Variants in FOLH1 observed in about 807,000 individuals in gnomAD.
The protein encoded by FOLH1 is glutamate carboxypeptidase 2.
A neutral mutation model predicts 93.9 loss-of-function variants in FOLH1; 54 were observed. That is an observed-to-expected ratio of 0.57 (90% CI 0.46 to 0.72). FOLH1 has a LOEUF of 0.72. Among genes scored for constraint, FOLH1 ranks in the 30% least tolerant of loss-of-function variants. The pLI, the probability that FOLH1 is intolerant of heterozygous loss-of-function variation, is 0.00. For synonymous variants in FOLH1, 249 were observed against 303.6 expected (o/e 0.82, Z 1.87); for missense variants, 571 against 892.5 (o/e 0.64, Z 4.59).
At chr11:49,174,476 C>A (rs2135101802) in intron 9 of FOLH1, among the ~76,000 whole-genome samples, 1 of 152,080 alleles carries the variant, frequency 6.6e-6, no homozygotes, top group South Asian at 2.1e-4. Context: ...TGAAAGGATT[C>A]ATTAATACAA....
intron 7 of FOLH1, among the ~76,000 whole-genome samples, chr11:49,182,421 A>G (rs1860870453): frequency 6.6e-6 from 1 of 151,902 alleles, no homozygotes; most frequent in African/African-American, 2.4e-5. Context: ...AGCAGAACAA[A>G]TCTGGGAAAG....
intron 7 of FOLH1, among the ~76,000 whole-genome samples, chr11:49,178,062 A>G (rs1264786177): frequency 2.0e-5 from 3 of 152,202 alleles, no homozygotes; most frequent in Non-Finnish European, 4.4e-5. Context: ...ATGCACAGTA[A>G]CAGAGAAATG....
At chr11:49,159,583 T>A (rs1165448401) in intron 13 of FOLH1, among the ~76,000 whole-genome samples, 2 of 152,184 alleles carry the variant, frequency 1.3e-5, no homozygotes, top group East Asian at 3.9e-4. Flanking sequence ...GATACTGGCC[T>A]GAATTTTTGT....
intron 5 of FOLH1, chr11:49,186,121 A>G (rs1861338911): frequency 2.0e-6 from 1 of 502,716 alleles, no homozygotes; most frequent in Non-Finnish European, 2.9e-6. Flanking sequence ...GCTTACAAAT[A>G]TAATAAGCAA....
intron 3 of FOLH1, among the ~76,000 whole-genome samples, chr11:49,195,614 A>T (rs202698): frequency 1.3e-5 from 2 of 151,956 alleles, no homozygotes; most frequent in South Asian, 4.1e-4. Context: ...AGATTGCCAA[A>T]GCCAAAGTTT....
In FOLH1 at chr11:49,173,432, C is replaced by G; in HGVS notation, c.1150G>C (p.Gly384Arg). Residue 384 changes from glycine (G) to arginine (R), a missense_variant, in exon 10 of 19, where the codon GGT becomes CGT. This residue lies in a region of FOLH1 where 500 missense variants were observed against 822.9 expected (regional missense o/e 0.61). Coordinates refer to ENST00000256999, the MANE Select transcript of FOLH1 (RefSeq NM_004476.3). The part of the protein sequence containing the change: ...LGGHRDSWVF[G>R]GIDPQSGAAV... ...GCTCCACTCTGAGGGTCAATACCAC[C>G]AAACACCCATGAGTCCCGGTGACCT... 1.2e-6 allele frequency: 2 copies of G among 1,607,014 alleles called. No individual in the cohort carries two copies. Among genetic ancestry groups the G allele is most frequent in the Non-Finnish European group, 1.7e-6 (2 of 1,175,640 alleles).
chr11:49,147,012 T>A, intron 18 of FOLH1, 67 bp from the exon 19 acceptor site: 1 of 1,528,344 alleles, frequency 6.5e-7, no homozygotes, highest in Non-Finnish European at 8.8e-7. Flanking sequence ...ACAAGAGCAC[T>A]CTGCAATTCC....
intron 3 of FOLH1, among the ~76,000 whole-genome samples, chr11:49,200,025 A>T (rs1258659731): frequency 6.6e-6 from 1 of 152,212 alleles, no homozygotes; most frequent in Non-Finnish European, 1.5e-5. Flanking sequence ...ACTAAAAAAC[A>T]GCAGCTGTTA....
intron 12 of FOLH1, among the ~76,000 whole-genome samples, chr11:49,165,147 A>C (rs2135013227): frequency 6.6e-6 from 1 of 152,212 alleles, no homozygotes; most frequent in East Asian, 1.9e-4. Flanking sequence ...ACCCTACCTA[A>C]AATAGCACTC....
At chr11:49,153,220 T>C (rs954980106) in intron 17 of FOLH1, among the ~76,000 whole-genome samples, 30 of 151,880 alleles carry the variant, frequency 2.0e-4, no homozygotes, top group African/African-American at 7.2e-4. Context: ...AATTGTGTTG[T>C]ACTTGTGTAA....
chr11:49,153,745 G>A, intron 17 of FOLH1, 101 bp downstream of exon 17: 1 of 833,162 alleles, frequency 1.2e-6, no homozygotes. Context: ...AAAACAGCAA[G>A]AAATTCCCAA....
chr11:49,174,072 A>G (rs1243443519), intron 9 of FOLH1, among the ~76,000 whole-genome samples: 1 of 152,126 alleles, frequency 6.6e-6, no homozygotes, highest in Non-Finnish European at 1.5e-5. Flanking sequence ...ACAAACTGTC[A>G]GTTGTTTGTC....
chr11:49,198,482 A>AG, intron 3 of FOLH1, among the ~76,000 whole-genome samples: 1 of 64,670 alleles, frequency 1.5e-5, no homozygotes, highest in Non-Finnish European at 2.8e-5. Flanking sequence ...ACTCCGTCTC[A>AG]AAAAAAACAA....
At chr11:49,181,167 G>A (rs1028481153) in intron 7 of FOLH1, among the ~76,000 whole-genome samples, 2 of 150,692 alleles carry the variant, frequency 1.3e-5, no homozygotes, top group Non-Finnish European at 2.9e-5. Context: ...GAATGCAGTG[G>A]CGCGATCTCG....
chr11:49,146,247 T>C lies in FOLH1; in HGVS notation c.*509A>G, dbSNP rs138720941. Among the ~76,000 whole-genome samples, 1,080 of 152,332 alleles carry C rather than the reference T, an allele frequency of 7.1e-3. 4 individuals carry two copies. Among genetic ancestry groups the C allele is most frequent in the Non-Finnish European group, 0.012 (828 of 68,020 alleles). On this transcript the variant is annotated 3_prime_UTR_variant, in exon 19 of 19. Coordinates refer to ENST00000256999, the MANE Select transcript of FOLH1 (RefSeq NM_004476.3). ...GCCTTTTATATAAATAAAAAATAAT[T>C]ATTTCTTATGCTATAGAGTGATAAC...
At chr11:49,182,260 C>T (rs1181590722) in intron 7 of FOLH1, among the ~76,000 whole-genome samples, 3 of 119,474 alleles carry the variant, frequency 2.5e-5, no homozygotes, top group South Asian at 2.9e-4. Context: ...ACCCAGGAGG[C>T]GGGGGTTGCA....
intron 3 of FOLH1, among the ~76,000 whole-genome samples, chr11:49,198,430 G>C (rs1398847053): frequency 6.6e-6 from 1 of 150,492 alleles, no homozygotes; most frequent in Non-Finnish European, 1.5e-5. Context: ...TGCAGTGAGC[G>C]GAGATACCGC....
chr11:49,162,537 C>T (rs1857824533), intron 13 of FOLH1, among the ~76,000 whole-genome samples: 1 of 152,190 alleles, frequency 6.6e-6, no homozygotes, highest in African/African-American at 2.4e-5. Context: ...TTACAACACG[C>T]TCCTTTACCT....
In FOLH1 at chr11:49,162,189, AG is replaced by A. The variant is rs556482802; in HGVS notation, c.1440+2515del. On this transcript the variant is annotated intron_variant, in intron 13 of 18. Transcript: ENST00000256999. ...TTGGCCTATCTAGCTATGTTGGGAA[AG>A]TTCTCATGGATTATATCCTGGAATA... Among the ~76,000 whole-genome samples, 1,185 of 152,212 alleles carry A rather than the reference AG, an allele frequency of 7.8e-3. 18 individuals are homozygous for A. The highest frequency in any genetic ancestry group is 0.027 in the African/African-American group (1,138 of 41,528).
Sources: gnomAD v4.1 joint callset for allele counts (sites outside exome capture counted in the v4.1 genomes callset) on GRCh38, gnomAD v4.1.1 for gene constraint, gnomAD v4.1.1 regional missense constraint, MANE v1.5 for transcripts, NCBI Gene and HGNC (gene_info 2026-07-23, HGNC 2026-07-21) for gene names.